ASAP3: variants seen among roughly 807,000 people sequenced by gnomAD.
ASAP3 encodes the protein ArfGAP with SH3 domain, ankyrin repeat and PH domain 3.
Under a neutral mutation model 118.2 loss-of-function variants are expected in ASAP3, and 85 were observed. The ratio of observed to expected loss-of-function variants is 0.72; its 90% CI spans 0.60 to 0.86. The LOEUF is 0.86. Among genes scored for constraint, ASAP3 ranks in the 40% least tolerant of loss-of-function variants. ASAP3 has a pLI of 0.00. For missense variants in ASAP3, 1,026 were observed against 1,175.0 expected (o/e 0.87, Z 1.85); for synonymous variants, 432 against 477.4 (o/e 0.90, Z 1.24).
chr1:23,479,135 G>C (rs140071272), intron 1 of ASAP3, among the ~76,000 whole-genome samples: 5,227 of 152,272 alleles, frequency 0.034, 132 homozygotes, highest in Middle Eastern at 0.12. Context: ...CCAGGAACTT[G>C]GAAGTGGGAC....
In ASAP3 at chr1:23,433,358, A is replaced by G. The variant is rs773354136; in HGVS notation, c.2127+67T>C. On this transcript the variant is annotated intron_variant, in intron 21 of 24. Coordinates refer to ENST00000336689, the MANE Select transcript of ASAP3 (RefSeq NM_017707.4). ...CCCGCCTCACCGCCCCCGCCAACAC[A>G]CACCAGGCCCAATCTGGCTCTTTCC... 6 of 1,613,118 alleles carry G rather than the reference A, an allele frequency of 3.7e-6. 1 individual carries two copies. The highest frequency in any genetic ancestry group is 5.1e-6 in the Non-Finnish European group (6 of 1,179,686).
At chr1:23,463,726 C>T (rs572327570) in intron 1 of ASAP3, among the ~76,000 whole-genome samples, 1 of 151,976 alleles carries the variant, frequency 6.6e-6, no homozygotes, top group Admixed American at 6.5e-5. Context: ...CTCAGCCTCC[C>T]GAGTAGCTAG....
At chr1:23,443,867 G>C (rs1421039715) in intron 5 of ASAP3, among the ~76,000 whole-genome samples, 1 of 151,826 alleles carries the variant, frequency 6.6e-6, no homozygotes, top group African/African-American at 2.4e-5. Flanking sequence ...AGTACAGGTG[G>C]GTGTCACCAT....
At chr1:23,449,864 G>C (rs2148628316) in intron 5 of ASAP3, among the ~76,000 whole-genome samples, 1 of 152,372 alleles carries the variant, frequency 6.6e-6, no homozygotes, top group East Asian at 1.9e-4. Context: ...AAGGTCAGCA[G>C]AGTAGAGCTT....
At chr1:23,480,612 C>G (rs991218580) in intron 1 of ASAP3, among the ~76,000 whole-genome samples, 1 of 152,200 alleles carries the variant, frequency 6.6e-6, no homozygotes, top group African/African-American at 2.4e-5. Flanking sequence ...CTGTAACAGG[C>G]TACTTCTCCC....
At chr1:23,432,259 G>A (rs758478546) in intron 22 of ASAP3, among the ~76,000 whole-genome samples, 16 of 152,046 alleles carry the variant, frequency 1.1e-4, no homozygotes, top group East Asian at 1.9e-4. Flanking sequence ...CGCCTGCTTC[G>A]GCCTCCCAAA....
intron 5 of ASAP3, among the ~76,000 whole-genome samples, chr1:23,443,011 T>C (rs1350481647): frequency 1.3e-5 from 2 of 151,974 alleles, no homozygotes; most frequent in Non-Finnish European, 2.9e-5. Context: ...GGTAAGGAGG[T>C]GCCAGACCAT....
chr1:23,467,951 C>CAAAAAAA (rs573411297), intron 1 of ASAP3, among the ~76,000 whole-genome samples: 1 of 52,400 alleles, frequency 1.9e-5, no homozygotes, highest in Non-Finnish European at 3.8e-5. Flanking sequence ...GACTCCGTCT[C>CAAAAAAA]AAAAAAAAAA....
chr1:23,449,409 C>A lies in ASAP3; in HGVS notation c.473+2070G>T, dbSNP rs143803985. On this transcript the variant is annotated intron_variant, in intron 5 of 24. Transcript: ENST00000336689. ...ACAGGGCCCGGGATGCCTTTCTCAG[C>A]AGCCCCACGTGGAGAGGTAATCCTC... Among the ~76,000 whole-genome samples the A allele has an allele frequency of 9.8e-5, 15 of 152,296 alleles. No homozygotes were observed. The East Asian group carries it at 2.9e-3, about 29-fold the overall frequency.
intron 5 of ASAP3, among the ~76,000 whole-genome samples, chr1:23,445,983 G>GA (rs559900492): frequency 1.2e-3 from 175 of 141,156 alleles, no homozygotes; most frequent in African/African-American, 2.0e-3. Flanking sequence ...TCTGTCTCAA[G>GA]AAAAAAAAAA....
In ASAP3 at chr1:23,437,227, G is replaced by A; in HGVS notation, c.1245C>T (p.Ala415=). The A allele has an allele frequency of 6.3e-7, 1 of 1,595,882 alleles. No individual in the cohort carries two copies. Among genetic ancestry groups the A allele is most frequent in the Non-Finnish European group, 8.5e-7 (1 of 1,171,468 alleles). The change falls in exon 14 of 25, where the codon GCC becomes GCT. Residue 415 remains alanine (A), a synonymous_variant. Coordinates refer to ENST00000336689, the MANE Select transcript of ASAP3 (RefSeq NM_017707.4). The surrounding 1 kb of genome is among the most constrained non-coding windows in gnomAD (Gnocchi z 6.1). ...PSAGPGSWGS[A]GHDGEPHDLT... ...GGTCGTGCGGCTCCCCATCATGGCC[G>A]GCGGACCCCCAGGACCCCGGGCCAG... is the stretch of plus-strand genomic sequence containing the variant.
intron 17 of ASAP3, 187 bp downstream of exon 17, chr1:23,435,664 A>G (rs1640622500): frequency 4.3e-6 from 3 of 692,204 alleles, no homozygotes; most frequent in Non-Finnish European, 7.6e-6. Flanking sequence ...CTAGGAAAAA[A>G]CAGAGCCAGG....
chr1:23,468,067 G>T (rs989129168), intron 1 of ASAP3, among the ~76,000 whole-genome samples: 1 of 152,100 alleles, frequency 6.6e-6, no homozygotes, highest in Non-Finnish European at 1.5e-5. Flanking sequence ...CATCTTAATG[G>T]GGCAGTCATC....
rs756688179 is a variant in ASAP3 at position 23,435,842 on chromosome 1, G to A, written c.1749+9C>T. 1.2e-6 allele frequency: 2 copies of A among 1,614,224 alleles called. No homozygotes were observed. The highest frequency in any genetic ancestry group is 2.2e-5 in the East Asian group (1 of 44,872). On this transcript the variant is annotated intron_variant, in intron 17 of 24. Coordinates refer to ENST00000336689, the MANE Select transcript of ASAP3 (RefSeq NM_017707.4). ...GTGGGTTATAAGTGGCCCTTGGAGGGGTTCTCACCTGTGCATCAGGCCCTG... is the reference window on the plus strand; with the variant it reads ...GTGGGTTATAAGTGGCCCTTGGAGGAGTTCTCACCTGTGCATCAGGCCCTG...
chr1:23,441,784 T>G, intron 7 of ASAP3, 54 bp from the exon 8 acceptor site: 1 of 1,593,886 alleles, frequency 6.3e-7, no homozygotes, highest in Non-Finnish European at 8.6e-7. Context: ...AAATGAGAGA[T>G]GAAGCCAGAA....
At chr1:23,445,024 T>C (rs1355080699) in intron 5 of ASAP3, among the ~76,000 whole-genome samples, 2 of 151,294 alleles carry the variant, frequency 1.3e-5, no homozygotes, top group East Asian at 1.9e-4. Flanking sequence ...AGCTTTCTGA[T>C]ACCCCAAGCA....
chr1:23,456,710 G>A (rs16828531), intron 1 of ASAP3, among the ~76,000 whole-genome samples: 1,906 of 152,302 alleles, frequency 0.013, 40 homozygotes, highest in African/African-American at 0.042. Context: ...AAGATACAAA[G>A]CAGGGTACAC....
intron 23 of ASAP3, 61 bp from the exon 24 acceptor site, chr1:23,431,186 G>A (rs1640419443): frequency 1.3e-5 from 20 of 1,515,932 alleles, no homozygotes; most frequent in Admixed American, 7.9e-5. Context: ...AGAGTGGGGA[G>A]AAAGGGCTCA....
At chr1:23,449,190 TC>T (rs140541670) in intron 5 of ASAP3, among the ~76,000 whole-genome samples, 3 of 152,226 alleles carry the variant, frequency 2.0e-5, no homozygotes, top group African/African-American at 4.8e-5. Flanking sequence ...GTCAATCTCT[TC>T]CTGTGTTATT....
Sources: gnomAD v4.1 joint callset for allele counts (sites outside exome capture counted in the v4.1 genomes callset) on GRCh38, gnomAD v4.1.1 for gene constraint, Gnocchi (gnomAD v3.1) non-coding constraint, MANE v1.5 for transcripts, NCBI Gene and HGNC (gene_info 2026-07-23, HGNC 2026-07-21) for gene names.